The following TBXAS1 variants were observed in gnomAD, a reference collection of about 807,000 sequenced individuals.
TBXAS1 encodes the protein thromboxane-A synthase.
In TBXAS1, 48 loss-of-function variants were observed where a neutral mutation model predicts 60.7. The observed-to-expected ratio is 0.79, with a 90% CI of 0.63 to 1.01. The LOEUF is 1.01. Ranked by LOEUF, TBXAS1 falls within the 50% of genes least tolerant of loss-of-function variation. The pLI, the probability that TBXAS1 is intolerant of heterozygous loss-of-function variation, is 0.00. For synonymous variants in TBXAS1, 287 were observed against 269.7 expected (o/e 1.06, Z -0.63); for missense variants, 685 against 686.3 (o/e 1.00, Z 0.02).
intron 1 of TBXAS1, among the ~76,000 whole-genome samples, chr7:139,842,640 T>C (rs939691940): frequency 6.6e-6 from 1 of 152,230 alleles, no homozygotes; most frequent in Non-Finnish European, 1.5e-5. Context: ...TTACCAGAAA[T>C]AGGTGCTGTT....
chr7:140,018,906 G>T (rs8192865), intron 12 of TBXAS1, among the ~76,000 whole-genome samples: 38,873 of 152,028 alleles, frequency 0.26, 5,653 homozygotes, highest in East Asian at 0.53. Flanking sequence ...TCCTCACCCA[G>T]ATCCTGCCCA....
intron 1 of TBXAS1, among the ~76,000 whole-genome samples, chr7:139,858,315 G>C (rs1429554970): frequency 6.6e-6 from 1 of 152,154 alleles, no homozygotes; most frequent in African/African-American, 2.4e-5. Context: ...GTCCTTCTTG[G>C]AGGGTCCTGC....
intron 4 of TBXAS1, among the ~76,000 whole-genome samples, chr7:139,789,857 C>T (rs1221451373): frequency 6.6e-6 from 1 of 152,140 alleles, no homozygotes; most frequent in African/African-American, 2.4e-5. Flanking sequence ...TCTTAAACTC[C>T]TGACCTCAAG....
intron 9 of TBXAS1, among the ~76,000 whole-genome samples, chr7:139,989,514 G>T (rs114397762): frequency 9.1e-4 from 138 of 152,320 alleles, no homozygotes; most frequent in Middle Eastern, 3.4e-3. Flanking sequence ...CTGCCCCACC[G>T]CTTTGCCCTC....
chr7:139,993,754 C>T lies in TBXAS1; in HGVS notation c.1135-13337C>T, dbSNP rs996678500. Among the ~76,000 whole-genome samples the T allele has an allele frequency of 7.9e-5, 12 of 152,308 alleles. No individual in the cohort carries two copies. The South Asian group carries it at 1.0e-3, about 13-fold the overall frequency. On this transcript the variant is annotated intron_variant, in intron 9 of 12. Coordinates refer to ENST00000448866, the MANE Select transcript of TBXAS1 (RefSeq NM_001061.7). ...CCGCATCCCAAGGCCTGAGGTCTAA[C>T]GCTGCCTCTGCCCCCTCCTTTGCTG... is the stretch of plus-strand genomic sequence containing the variant.
chr7:139,860,902 G>A (rs1800911968), intron 1 of TBXAS1, among the ~76,000 whole-genome samples: 3 of 152,212 alleles, frequency 2.0e-5, no homozygotes, highest in South Asian at 2.1e-4. Context: ...AGCCGGGGGC[G>A]GTGGCTCATG....
At chr7:139,818,011 G>A (rs1243830859) in intron 4 of TBXAS1, among the ~76,000 whole-genome samples, 2 of 152,206 alleles carry the variant, frequency 1.3e-5, no homozygotes, top group Non-Finnish European at 1.5e-5. Context: ...ATCACCTACT[G>A]AGTGACAAGC....
intron 9 of TBXAS1, among the ~76,000 whole-genome samples, chr7:139,998,447 G>A (rs552652043): frequency 6.6e-6 from 1 of 152,288 alleles, no homozygotes; most frequent in East Asian, 1.9e-4. Flanking sequence ...CCCAGGTAAT[G>A]GAAAAGGCTT....
chr7:139,797,844 C>T (rs889746082), intron 4 of TBXAS1, among the ~76,000 whole-genome samples: 2 of 152,184 alleles, frequency 1.3e-5, no homozygotes, highest in African/African-American at 4.8e-5. Context: ...TGGACCCCAG[C>T]CATGGATCTG....
chr7:139,790,091 TTCC>T (rs1232229253), intron 4 of TBXAS1, among the ~76,000 whole-genome samples: 2 of 152,208 alleles, frequency 1.3e-5, no homozygotes, highest in Non-Finnish European at 2.9e-5. Flanking sequence ...GTTCCATTAT[TTCC>T]TCCTCTCCAT....
intron 1 of TBXAS1, among the ~76,000 whole-genome samples, chr7:139,836,099 A>T (rs910392235): frequency 2.0e-5 from 3 of 151,776 alleles, no homozygotes; most frequent in African/African-American, 7.2e-5. Context: ...ACTTAGGAAC[A>T]TACCTAACCA....
chr7:139,989,649 G>T (rs1234981453), intron 9 of TBXAS1, among the ~76,000 whole-genome samples: 1 of 152,114 alleles, frequency 6.6e-6, no homozygotes, highest in African/African-American at 2.4e-5. Context: ...CATCTCCCTG[G>T]CCCGGGTTTA....
chr7:139,952,012 A>G (rs111998937), intron 5 of TBXAS1, among the ~76,000 whole-genome samples: 1,507 of 111,328 alleles, frequency 0.014, 151 homozygotes, highest in Middle Eastern at 0.056. Context: ...GAAAGAAAGA[A>G]AAAGAAAGGA....
chr7:139,892,141 C>T (rs757714440), intron 3 of TBXAS1, among the ~76,000 whole-genome samples: 18 of 152,142 alleles, frequency 1.2e-4, no homozygotes, highest in Non-Finnish European at 2.4e-4. Flanking sequence ...ATCCTACTCC[C>T]GAAGAGCTGA....
chr7:139,839,024 G>C (rs1238044889), intron 1 of TBXAS1, among the ~76,000 whole-genome samples: 1 of 152,194 alleles, frequency 6.6e-6, no homozygotes, highest in Non-Finnish European at 1.5e-5. Flanking sequence ...GTTGCTCGAG[G>C]CAACCGTAAG....
intron 4 of TBXAS1, among the ~76,000 whole-genome samples, chr7:139,804,019 A>G (rs1272826591): frequency 2.6e-5 from 4 of 152,188 alleles, no homozygotes; most frequent in African/African-American, 9.6e-5. Context: ...AGCTGTGAGA[A>G]GAAGGCCACC....
At chr7:139,825,922 T>G (rs1798425420), upstream of TBXAS1, among the ~76,000 whole-genome samples, 1 of 152,220 alleles carries the variant, frequency 6.6e-6, no homozygotes, top group Non-Finnish European at 1.5e-5. Context: ...CAATGCATAT[T>G]AGCAGGTTAG....
intron 5 of TBXAS1, among the ~76,000 whole-genome samples, chr7:139,941,146 C>T (rs112688378): frequency 1.3e-5 from 2 of 152,184 alleles, no homozygotes; most frequent in Non-Finnish European, 2.9e-5. Context: ...CATCTCTAGT[C>T]CTTTCTGAAT....
chr7:139,814,718 C>A (rs1798105445), intron 4 of TBXAS1, among the ~76,000 whole-genome samples: 1 of 152,072 alleles, frequency 6.6e-6, no homozygotes, highest in African/African-American at 2.4e-5. Flanking sequence ...CAAGCAGAGA[C>A]CAGGTACCTA....
Sources: allele counts gnomAD v4.1 joint callset (sites outside exome capture counted in the v4.1 genomes callset), GRCh38; gene constraint gnomAD v4.1.1; transcripts MANE v1.5; gene names NCBI Gene and HGNC (gene_info 2026-07-23, HGNC 2026-07-21).